The following POFUT1 variants were observed in gnomAD, a reference collection of about 807,000 sequenced individuals.
POFUT1 encodes protein O-fucosyltransferase 1.
In POFUT1, 16 loss-of-function variants were observed where a neutral mutation model predicts 42.4. The ratio of observed to expected loss-of-function variants is 0.38; its 90% CI spans 0.26 to 0.57. The LOEUF (loss-of-function observed/expected upper bound fraction) is 0.57. Ranked by LOEUF, POFUT1 falls within the 20% of genes least tolerant of loss-of-function variation. The probability of loss-of-function intolerance (pLI) is 0.71; values close to 1 mark genes in which losing one functional copy is unlikely to be tolerated. For missense variants in POFUT1, 470 were observed against 504.6 expected, an observed-to-expected ratio of 0.93 and a Z score of 0.66; for synonymous variants, 206 against 205.4, an observed-to-expected ratio of 1.00 and a Z score of -0.03.
chr20:32,216,737 A>G lies in POFUT1; in HGVS notation c.542+16A>G, dbSNP rs2047363166. The G allele has an allele frequency of 2.6e-6, 4 of 1,566,164 alleles. No homozygotes were observed. The East Asian group carries it at 6.7e-5, about 26-fold the overall frequency. ...GGAGCCAGAGGTACTTGGAGGGGGT[A>G]GCGTTTCTGGGTTTAGGGGAGGCGC... On this transcript the variant is annotated intron_variant, in intron 4 of 6. Transcript: ENST00000375749.
chr20:32,228,459 A>G lies in POFUT1; in HGVS notation c.735+4A>G. Reference sequence around the variant, plus strand: ...TCTGCGCATTGGCTCTGACTGGGTAACTTCCCCCTTCCTCTCTCACTGGCT... The same window carrying G: ...TCTGCGCATTGGCTCTGACTGGGTAGCTTCCCCCTTCCTCTCTCACTGGCT... On this transcript the variant is annotated splice_donor_region_variant and intron_variant, in intron 5 of 6. Coordinates refer to ENST00000375749, the MANE Select transcript of POFUT1 (RefSeq NM_015352.2). 1.9e-6 allele frequency: 3 copies of G among 1,612,878 alleles called. No homozygotes were observed. The highest frequency in any genetic ancestry group is 2.5e-6 in the Non-Finnish European group (3 of 1,179,170).
chr20:32,219,420 G>T (rs764331994), intron 4 of POFUT1, among the ~76,000 whole-genome samples: 1 of 152,164 alleles, frequency 6.6e-6, no homozygotes, highest in Non-Finnish European at 1.5e-5. Context: ...AGGCAATGTG[G>T]TATGGAGTGA....
chr20:32,226,452 C>CTG (rs33999719), intron 4 of POFUT1, among the ~76,000 whole-genome samples: 30,450 of 147,602 alleles, frequency 0.21, 3,838 homozygotes, highest in African/African-American at 0.37. Flanking sequence ...GAGTGCATGC[C>CTG]TGTGTGTGTG....
At position 32,210,112 on chromosome 20, in the gene POFUT1, G is replaced by T; in HGVS notation, c.166G>T (p.Ala56Ser). Residue 56 changes from alanine (A) to serine (S), a missense_variant, in exon 2 of 7, where the codon GCA (alanine) becomes TCA (serine). Coordinates refer to ENST00000375749, the MANE Select transcript of POFUT1 (RefSeq NM_015352.2). ...GGCCGATCACTTCTTGGGCTCTCTG[G>T]CATTTGCAAAGCTGCTAAACCGTAC... The part of the protein sequence containing the change: ...NQADHFLGSL[A>S]FAKLLNRTLA... 1 of 1,614,148 alleles carries T rather than the reference G, an allele frequency of 6.2e-7. No homozygotes were observed. Among genetic ancestry groups the T allele is most frequent in the Non-Finnish European group, 8.5e-7 (1 of 1,180,000 alleles).
intron 4 of POFUT1, chr20:32,217,480 C>T: frequency 1.0e-6 from 1 of 992,442 alleles, no homozygotes; most frequent in Non-Finnish European, 1.2e-6. Context: ...AGAAATGAGT[C>T]TCATGCCTGT....
Position 32,228,335 on chromosome 20 carries a change from C to T in POFUT1, c.615C>T (p.His205=). 1 of 1,613,944 alleles carries T rather than the reference C, an allele frequency of 6.2e-7. No homozygotes were observed. The highest frequency in any genetic ancestry group is 1.1e-5 in the South Asian group (1 of 91,028). The change falls in exon 5 of 7, where the codon CAC becomes CAT. Residue 205 remains histidine (H), a synonymous_variant. Coordinates refer to ENST00000375749, the MANE Select transcript of POFUT1 (RefSeq NM_015352.2). The part of the protein sequence containing the change: ...APAQFPVLEE[H]RPLQKYMVWS... Reference sequence around the variant, plus strand: ...CCCAGTTCCCCGTCCTAGAGGAACACAGGCCACTACAGAAGTACATGGTAT... The same window carrying T: ...CCCAGTTCCCCGTCCTAGAGGAACATAGGCCACTACAGAAGTACATGGTAT...
chr20:32,232,862 C>T (rs556941179), intron 6 of POFUT1, among the ~76,000 whole-genome samples: 26 of 152,128 alleles, frequency 1.7e-4, no homozygotes, highest in Non-Finnish European at 3.5e-4. Context: ...TCAGAGGCCA[C>T]CTTTATCCTG....
intron 6 of POFUT1, among the ~76,000 whole-genome samples, chr20:32,232,338 A>G (rs185383961): frequency 1.3e-5 from 2 of 152,064 alleles, no homozygotes; most frequent in Non-Finnish European, 2.9e-5. Flanking sequence ...AAAGAAAAGC[A>G]GAAGAAAAAT....
chr20:32,232,953 G>A (rs2047450567), intron 6 of POFUT1, among the ~76,000 whole-genome samples: 1 of 152,158 alleles, frequency 6.6e-6, no homozygotes, highest in South Asian at 2.1e-4. Flanking sequence ...CGCTCTCCAG[G>A]GCTCACATTC....
chr20:32,231,141 T>C, intron 6 of POFUT1, 80 bp downstream of exon 6: 1 of 1,491,840 alleles, frequency 6.7e-7, no homozygotes, highest in Non-Finnish European at 9.2e-7. Context: ...CACTGCATGC[T>C]TCACGGGCTC....
At chr20:32,208,681 G>C (rs941689719) in intron 1 of POFUT1, among the ~76,000 whole-genome samples, 2 of 148,350 alleles carry the variant, frequency 1.3e-5, no homozygotes, top group African/African-American at 5.0e-5. Context: ...AGCAGAGCGT[G>C]GTATCGTGTG....
At position 32,234,857 on chromosome 20, in the gene POFUT1, T is replaced by C. The variant is rs2047461843; in HGVS notation, c.*196T>C. The stretch of plus-strand genomic sequence containing the variant: ...CCAGGGCATAGGACTTGCAGGTTCC[T>C]AGGAGCAGGAGCATCTCCCATCGCA... On this transcript the variant is annotated 3_prime_UTR_variant, in exon 7 of 7. Coordinates refer to ENST00000375749, the MANE Select transcript of POFUT1 (RefSeq NM_015352.2). The C allele has an allele frequency of 1.9e-6, 1 of 524,708 alleles. No homozygotes were observed. Among genetic ancestry groups the C allele is most frequent in the African/African-American group, 1.9e-5 (1 of 52,030 alleles). The allele number at this position is 524,708 out of a possible 1,614,324, so 32.5% of individuals were successfully genotyped here.
chr20:32,214,524 G>A (rs573636514), intron 2 of POFUT1, among the ~76,000 whole-genome samples: 22 of 152,264 alleles, frequency 1.4e-4, no homozygotes, highest in South Asian at 6.2e-4. Flanking sequence ...AGAAGAGTGC[G>A]CATTTCCCCA....
chr20:32,209,432 CCTT>C (rs2047314590), intron 1 of POFUT1, among the ~76,000 whole-genome samples: 1 of 152,204 alleles, frequency 6.6e-6, no homozygotes, highest in Non-Finnish European at 1.5e-5. Context: ...GAGGCCTTGT[CCTT>C]CTTGTTCATT....
chr20:32,215,144 C>T (rs1000774914), intron 2 of POFUT1, 125 bp from the exon 3 acceptor site: 41 of 649,344 alleles, frequency 6.3e-5, no homozygotes, highest in South Asian at 1.6e-4. Context: ...CCGCCTTATC[C>T]TCCCAAAGTG....
rs756851381 is a variant in POFUT1, at chr20:32,228,303, G to A, written c.583G>A (p.Ala195Thr). The A allele has an allele frequency of 6.2e-7, 1 of 1,613,914 alleles. No homozygotes were observed. The highest frequency in any genetic ancestry group is 8.5e-7 in the Non-Finnish European group (1 of 1,179,858). The change falls in exon 5 of 7, where the codon GCC becomes ACC. Residue 195 changes from alanine to threonine, a missense_variant. By Grantham distance (58) the Ala-to-Thr change is moderately conservative. Transcript: ENST00000375749. Reference sequence around the variant, plus strand: ...ACATCCGGTGCTTGCCCTGCCAGGAGCCCCAGCCCAGTTCCCCGTCCTAGA... The same window carrying A: ...ACATCCGGTGCTTGCCCTGCCAGGAACCCCAGCCCAGTTCCCCGTCCTAGA... ...KEHPVLALPG[A>T]PAQFPVLEEH... is the part of the protein sequence containing the mutation.
intron 2 of POFUT1, among the ~76,000 whole-genome samples, chr20:32,214,680 T>C (rs1398891863): frequency 6.6e-6 from 1 of 152,236 alleles, no homozygotes; most frequent in Non-Finnish European, 1.5e-5. Flanking sequence ...TTGCTGTGAA[T>C]TGTTTACCCC....
At chr20:32,222,857 C>G in intron 4 of POFUT1, 8 of 985,376 alleles carry the variant, frequency 8.1e-6, no homozygotes, top group Non-Finnish European at 9.6e-6. Flanking sequence ...GGAATTTGAG[C>G]GCATGGCTTG....
At chr20:32,214,817 A>G (rs1211621769) in intron 2 of POFUT1, among the ~76,000 whole-genome samples, 4 of 152,182 alleles carry the variant, frequency 2.6e-5, no homozygotes, top group African/African-American at 4.8e-5. Flanking sequence ...TAGCCTGTCT[A>G]TCCTAGCTTT....
Sources: allele counts gnomAD v4.1 joint callset (sites outside exome capture counted in the v4.1 genomes callset), GRCh38; gene constraint gnomAD v4.1.1; transcripts MANE v1.5; gene names NCBI Gene and HGNC (gene_info 2026-07-23, HGNC 2026-07-21).